Variants in DNAH14 observed in about 807,000 individuals in gnomAD.
DNAH14 encodes the protein dynein axonemal heavy chain 14, also known as axonemal beta dynein heavy chain 14.
Under a neutral mutation model 520.9 loss-of-function variants are expected in DNAH14, and 478 were observed. The ratio of observed to expected loss-of-function variants is 0.92; its 90% CI spans 0.85 to 0.99. The LOEUF is 0.99. Ranked by LOEUF, DNAH14 falls within the 50% of genes least tolerant of loss-of-function variation. The pLI is 0.00. For missense variants in DNAH14, 4,831 were observed against 5,234.5 expected, an observed-to-expected ratio of 0.92 and a Z score of 2.38; for synonymous variants, 1,581 against 1,757.2, an observed-to-expected ratio of 0.90 and a Z score of 2.51.
At chr1:225,095,921 A>T (rs2074922523) in intron 21 of DNAH14, among the ~76,000 whole-genome samples, 1 of 152,152 alleles carries the variant, frequency 6.6e-6, no homozygotes, top group African/African-American at 2.4e-5. Context: ...TGTGGTGATG[A>T]TTTCACAGGT....
rs1355119153 is a variant in DNAH14 at position 225,168,092 on chromosome 1, A to C, written c.5535+64A>C. ...ATTTCAATAGGAATTAATAAAATAA[A>C]GGGCAAAAATAATAATAAAAGAGAG... On this transcript the variant is annotated intron_variant, in intron 36 of 85. Transcript: ENST00000682510. 3.2e-6 allele frequency: 3 copies of C among 944,160 alleles called. No individual in the cohort carries two copies. In the African/African-American group the frequency reaches 5.1e-5, roughly 16 times the overall value. The allele number at this position is 944,160 out of a possible 1,614,324, so 58.5% of individuals were successfully genotyped here.
intron 26 of DNAH14, among the ~76,000 whole-genome samples, chr1:225,122,460 C>T (rs1431298921): frequency 6.6e-6 from 1 of 152,026 alleles, no homozygotes; most frequent in Non-Finnish European, 1.5e-5. Context: ...TAGGTCAGCA[C>T]GTTTTAAGTA....
intron 17 of DNAH14, among the ~76,000 whole-genome samples, chr1:225,071,216 T>G (rs1357318144): frequency 6.6e-6 from 1 of 152,218 alleles, no homozygotes; most frequent in Non-Finnish European, 1.5e-5. Flanking sequence ...GATTTGAACC[T>G]ATCATCATGA....
chr1:225,259,914 A>T (rs1186115976), intron 46 of DNAH14, among the ~76,000 whole-genome samples: 2 of 152,206 alleles, frequency 1.3e-5, no homozygotes, highest in East Asian at 3.8e-4. Flanking sequence ...GAGACTGAAT[A>T]GTACTTCATT....
chr1:224,990,769 T>C (rs904646245), intron 8 of DNAH14, among the ~76,000 whole-genome samples: 2 of 152,182 alleles, frequency 1.3e-5, no homozygotes, highest in Non-Finnish European at 2.9e-5. Context: ...GGAGTGCAGA[T>C]ATCTCTTTGA....
chr1:225,056,717 A>T (rs1321201765), intron 17 of DNAH14, among the ~76,000 whole-genome samples: 2 of 152,182 alleles, frequency 1.3e-5, no homozygotes, highest in Non-Finnish European at 2.9e-5. Context: ...ATAAGGTGTA[A>T]GGAAGGGATC....
intron 8 of DNAH14, among the ~76,000 whole-genome samples, chr1:224,985,060 T>C (rs2062536794): frequency 6.6e-6 from 1 of 152,108 alleles, no homozygotes; most frequent in Admixed American, 6.6e-5. Context: ...AGCGTGGAGA[T>C]TCCTTAAAGA....
chr1:225,273,393 C>G (rs534729694), intron 52 of DNAH14, among the ~76,000 whole-genome samples: 32 of 152,312 alleles, frequency 2.1e-4, no homozygotes, highest in Non-Finnish European at 3.7e-4. Flanking sequence ...GAGCCGAGAT[C>G]GCACCAGTGC....
chr1:225,298,291 TGTG>T (rs1489182537), intron 55 of DNAH14, among the ~76,000 whole-genome samples: 4 of 152,080 alleles, frequency 2.6e-5, no homozygotes, highest in Non-Finnish European at 5.9e-5. Context: ...TGGAGGCACT[TGTG>T]GGGCTATTTC....
At position 225,062,306 on chromosome 1, in the gene DNAH14, G is replaced by T. The variant is rs548482976; in HGVS notation, c.2424+10511G>T. Among the ~76,000 whole-genome samples, 5 of 152,008 alleles carry T rather than the reference G, an allele frequency of 3.3e-5. No individual in the cohort carries two copies. The South Asian group carries it at 8.3e-4, about 25-fold the overall frequency. On this transcript the variant is annotated intron_variant, in intron 17 of 85. Transcript: ENST00000682510. ...AGAATAAGACTGTATCTCAAAAAGA[G>T]AGAGAGAGAGAGAAAGAAAGAGAAA...
intron 78 of DNAH14, among the ~76,000 whole-genome samples, chr1:225,375,822 C>T (rs560652327): frequency 1.3e-5 from 2 of 151,896 alleles, no homozygotes; most frequent in Middle Eastern, 3.4e-3. Flanking sequence ...TGCGGTGGCT[C>T]ATGCCTGTAA....
Position 225,215,160 on chromosome 1 carries a change from T to C in DNAH14, c.6439+7940T>C, listed in dbSNP as rs573625026. ...ATCTTTATTTCTGCCTTCATTTCGT[T>C]ATATACCTAGTAGTCATTCAGGAGC... On this transcript the variant is annotated intron_variant, in intron 41 of 85. Coordinates refer to ENST00000682510, the MANE Select transcript of DNAH14 (RefSeq NM_001367479.1). 3.3e-5 allele frequency among the ~76,000 whole-genome samples: 5 copies of C among 152,016 alleles called. No individual in the cohort carries two copies. The South Asian group carries it at 1.0e-3, about 32-fold the overall frequency.
chr1:225,332,424 T>G (rs2150290036), intron 65 of DNAH14, among the ~76,000 whole-genome samples: 1 of 152,176 alleles, frequency 6.6e-6, no homozygotes, highest in East Asian at 1.9e-4. Context: ...CTTAACATGC[T>G]TTATTTATCG....
At chr1:225,392,040 A>G (rs2095921839) in intron 83 of DNAH14, among the ~76,000 whole-genome samples, 1 of 152,100 alleles carries the variant, frequency 6.6e-6, no homozygotes, top group African/African-American at 2.4e-5. Context: ...CCCACAACGA[A>G]TACAGGAGGG....
chr1:225,388,966 T>C (rs1359859249), intron 82 of DNAH14, among the ~76,000 whole-genome samples: 5 of 152,168 alleles, frequency 3.3e-5, no homozygotes, highest in Admixed American at 2.6e-4. Context: ...TTTCACCATA[T>C]TGGCTGGTTT....
intron 10 of DNAH14, among the ~76,000 whole-genome samples, chr1:225,011,288 G>T (rs894775851): frequency 6.6e-6 from 1 of 152,016 alleles, no homozygotes; most frequent in Non-Finnish European, 1.5e-5. Context: ...CAGTGATTCT[G>T]GTATGTTATG....
rs1418302515 is a variant in DNAH14, at chr1:225,346,386, A to G, written c.11097+6A>G. ...TGACAAAAAGTATTTTTAAGGTGAG[A>G]TATTCTTTAGTGTGAATTTTACATG... On this transcript the variant is annotated splice_donor_region_variant and intron_variant, in intron 70 of 85. Coordinates refer to ENST00000682510, the MANE Select transcript of DNAH14 (RefSeq NM_001367479.1). The G allele has an allele frequency of 9.8e-6, 15 of 1,526,412 alleles. No homozygotes were observed. The highest frequency in any genetic ancestry group is 1.7e-4 in the Middle Eastern group (1 of 5,878). The allele number at this position is 1,526,412 out of a possible 1,614,324, so 94.6% of individuals were successfully genotyped here. A position where few individuals can be genotyped will look rare whatever the true frequency, so the allele number is the denominator to read the frequency against.
intron 64 of DNAH14, among the ~76,000 whole-genome samples, chr1:225,330,439 G>A (rs2094770850): frequency 6.6e-6 from 1 of 152,162 alleles, no homozygotes; most frequent in Admixed American, 6.5e-5. Context: ...TAACGAAAAT[G>A]TTGTACTTAT....
Position 225,206,039 on chromosome 1 carries a change from G to C in DNAH14, c.6046G>C (p.Val2016Leu). The stretch of plus-strand genomic sequence containing the variant: ...CTTTTGGGTAGAAAATCTGAACTCT[G>C]TGCTAGATGATACTAGAACATTGTG... ...DTFWVENLNS[V>L]LDDTRTLCLA... Residue 2016 changes from valine (V) to leucine (L), a missense_variant, in exon 40 of 86, where the codon GTG becomes CTG. By Grantham distance (32) the Val-to-Leu change is conservative (BLOSUM62 1). Coordinates refer to ENST00000682510, the MANE Select transcript of DNAH14 (RefSeq NM_001367479.1). 1 of 1,551,630 alleles carries C rather than the reference G, an allele frequency of 6.4e-7. No homozygotes were observed. Among genetic ancestry groups the C allele is most frequent in the East Asian group, 2.4e-5 (1 of 40,902 alleles).
Sources: gnomAD v4.1 joint callset for allele counts (sites outside exome capture counted in the v4.1 genomes callset) on GRCh38, gnomAD v4.1.1 for gene constraint, MANE v1.5 for transcripts, NCBI Gene and HGNC (gene_info 2026-07-23, HGNC 2026-07-21) for gene names.